The following NXPH1 variants were observed in gnomAD, a reference collection of about 807,000 sequenced individuals.
The protein encoded by NXPH1 is neurexophilin-1.
Under a neutral mutation model 23.7 loss-of-function variants are expected in NXPH1, and 5 were observed. That is an observed-to-expected ratio of 0.21 (90% CI 0.11 to 0.44). The LOEUF is 0.44. Ranked by LOEUF, NXPH1 falls within the 20% of genes least tolerant of loss-of-function variation. NXPH1 has a pLI of 0.99. For missense variants in NXPH1, 324 were observed against 321.6 expected (o/e 1.01, Z -0.06); for synonymous variants, 144 against 122.2 (o/e 1.18, Z -1.18).
At chr7:8,581,954 T>C (rs974433145) in intron 2 of NXPH1, among the ~76,000 whole-genome samples, 4 of 152,110 alleles carry the variant, frequency 2.6e-5, no homozygotes, top group African/African-American at 7.2e-5. Context: ...CCAGATCCTA[T>C]ACCTGCCAAG....
chr7:8,585,630 A>G (rs532197027), intron 2 of NXPH1, among the ~76,000 whole-genome samples: 2 of 152,260 alleles, frequency 1.3e-5, no homozygotes, highest in African/African-American at 4.8e-5. Context: ...CTTGCACTCA[A>G]TCTGGTAATA....
intron 2 of NXPH1, among the ~76,000 whole-genome samples, chr7:8,550,348 C>A (rs1021692024): frequency 1.3e-4 from 20 of 151,546 alleles, no homozygotes; most frequent in Admixed American, 2.6e-4. Flanking sequence ...TCACCAACAA[C>A]CTCAACTCAA....
At chr7:8,718,343 G>A (rs902064724) in intron 2 of NXPH1, among the ~76,000 whole-genome samples, 2 of 152,116 alleles carry the variant, frequency 1.3e-5, no homozygotes, top group Non-Finnish European at 2.9e-5. Context: ...GAGCAGTGTA[G>A]CACCTGAGCA....
intron 2 of NXPH1, among the ~76,000 whole-genome samples, chr7:8,640,145 A>G (rs1820284150): frequency 6.6e-6 from 1 of 152,156 alleles, no homozygotes; most frequent in South Asian, 2.1e-4. Flanking sequence ...CATAGGAATT[A>G]TTACTATTTA....
intron 2 of NXPH1, among the ~76,000 whole-genome samples, chr7:8,665,672 A>G (rs902149887): frequency 3.9e-5 from 6 of 151,906 alleles, no homozygotes; most frequent in African/African-American, 1.4e-4. Context: ...TTGCTATTTA[A>G]TGTGTTTAAT....
rs910281313 is a variant in NXPH1 at position 8,507,002 on chromosome 7, C to T, written c.54+71235C>T. On this transcript the variant is annotated intron_variant, in intron 2 of 2. Transcript: ENST00000405863. ...AGATTTGCATGTCAAGTGCCCACCC[C>T]GGGAAGATGAAAGGGGAGTAGGATG... is the stretch of plus-strand genomic sequence containing the variant. 6.0e-5 allele frequency among the ~76,000 whole-genome samples: 9 copies of T among 149,340 alleles called. 2 individuals carry two copies. The highest frequency in any genetic ancestry group is 2.1e-4 in the South Asian group (1 of 4,814).
chr7:8,540,613 A>G (rs989090914), intron 2 of NXPH1, among the ~76,000 whole-genome samples: 6 of 151,784 alleles, frequency 4.0e-5, no homozygotes, highest in Admixed American at 2.6e-4. Flanking sequence ...AGTCCTCGAA[A>G]GGAGAGAGCT....
At chr7:8,455,600 T>G (rs948505429) in intron 2 of NXPH1, among the ~76,000 whole-genome samples, 3 of 151,754 alleles carry the variant, frequency 2.0e-5, no homozygotes, top group Non-Finnish European at 2.9e-5. Flanking sequence ...GCCATTACTG[T>G]CCAGAGAGAA....
At chr7:8,578,254 C>T (rs906186463) in intron 2 of NXPH1, among the ~76,000 whole-genome samples, 1 of 152,166 alleles carries the variant, frequency 6.6e-6, no homozygotes, top group Non-Finnish European at 1.5e-5. Context: ...GTTGAAAATA[C>T]TGTAAGATGA....
intron 2 of NXPH1, among the ~76,000 whole-genome samples, chr7:8,675,524 T>C (rs1413149204): frequency 6.6e-6 from 1 of 152,098 alleles, no homozygotes; most frequent in Non-Finnish European, 1.5e-5. Flanking sequence ...TGAACAAATA[T>C]AATGTGCCAG....
At position 8,571,998 on chromosome 7, in the gene NXPH1, C is replaced by T. The variant is rs138753375; in HGVS notation, c.54+136231C>T. Among the ~76,000 whole-genome samples the T allele has an allele frequency of 2.2e-3, 339 of 151,966 alleles. 1 individual carries two copies. The highest frequency in any genetic ancestry group is 7.6e-3 in the African/African-American group (314 of 41,486). Reference sequence around the variant, plus strand: ...GGGGTAGGCTTGAAAGGTTATTTAGCCAGATTGTGGAATCTCTAAATATGC... The same window carrying T: ...GGGGTAGGCTTGAAAGGTTATTTAGTCAGATTGTGGAATCTCTAAATATGC... On this transcript the variant is annotated intron_variant, in intron 2 of 2. Coordinates refer to ENST00000405863, the MANE Select transcript of NXPH1 (RefSeq NM_152745.3).
intron 2 of NXPH1, among the ~76,000 whole-genome samples, chr7:8,692,309 G>T (rs1381580205): frequency 1.3e-5 from 2 of 152,154 alleles, no homozygotes; most frequent in Admixed American, 1.3e-4. Context: ...AGCCAGAAAG[G>T]AGGCTTGAAG....
At chr7:8,739,727 A>T (rs1322110580) in intron 2 of NXPH1, among the ~76,000 whole-genome samples, 1 of 152,178 alleles carries the variant, frequency 6.6e-6, no homozygotes, top group Non-Finnish European at 1.5e-5. Flanking sequence ...AGGTTAAAAC[A>T]CAAACACACT....
At chr7:8,653,720 G>T (rs1442929076) in intron 2 of NXPH1, among the ~76,000 whole-genome samples, 1 of 152,182 alleles carries the variant, frequency 6.6e-6, no homozygotes, top group South Asian at 2.1e-4. Flanking sequence ...CAGCCCATCT[G>T]CTTCTTTGGG....
At chr7:8,702,205 T>C (rs1779635293) in intron 2 of NXPH1, among the ~76,000 whole-genome samples, 1 of 152,102 alleles carries the variant, frequency 6.6e-6, no homozygotes, top group African/African-American at 2.4e-5. Context: ...GAAGATCAGG[T>C]CATGTAGAAA....
intron 2 of NXPH1, among the ~76,000 whole-genome samples, chr7:8,535,713 G>A (rs1349496013): frequency 1.3e-5 from 2 of 151,912 alleles, no homozygotes; most frequent in Admixed American, 6.6e-5. Context: ...AGTGACTGGG[G>A]TGTTCTTTTA....
intron 2 of NXPH1, among the ~76,000 whole-genome samples, chr7:8,616,387 T>C (rs763256001): frequency 1.4e-4 from 22 of 152,112 alleles, no homozygotes; most frequent in Non-Finnish European, 2.5e-4. Flanking sequence ...ATTGCCCTTA[T>C]GCTGTATTTA....
chr7:8,626,287 CT>C (rs1819986509), intron 2 of NXPH1, among the ~76,000 whole-genome samples: 1 of 151,734 alleles, frequency 6.6e-6, no homozygotes, highest in Non-Finnish European at 1.5e-5. Context: ...AATTATGCAT[CT>C]TTGGGCCTTA....
At chr7:8,489,679 T>G (rs991846605) in intron 2 of NXPH1, among the ~76,000 whole-genome samples, 2 of 152,114 alleles carry the variant, frequency 1.3e-5, no homozygotes, top group African/African-American at 4.8e-5. Flanking sequence ...ATTCCTGCTT[T>G]GCTATTCCAT....
Sources: allele counts gnomAD v4.1 joint callset (sites outside exome capture counted in the v4.1 genomes callset), GRCh38; gene constraint gnomAD v4.1.1; transcripts MANE v1.5; gene names NCBI Gene and HGNC (gene_info 2026-07-23, HGNC 2026-07-21).